Variants in SORBS2 observed in about 807,000 individuals in gnomAD.
The protein encoded by SORBS2 is sorbin and SH3 domain containing 2.
A neutral mutation model predicts 97.7 loss-of-function variants in SORBS2; 46 were observed. That is an observed-to-expected ratio of 0.47 (90% CI 0.37 to 0.60). SORBS2 has a LOEUF of 0.60. Among genes scored for constraint, SORBS2 ranks in the 20% least tolerant of loss-of-function variants. The pLI, the probability that SORBS2 is intolerant of heterozygous loss-of-function variation, is 0.00. For missense variants in SORBS2, 1,316 were observed against 1,282.3 expected, an observed-to-expected ratio of 1.03 and a Z score of -0.40; for synonymous variants, 476 against 473.4, an observed-to-expected ratio of 1.01 and a Z score of -0.07.
intron 1 of SORBS2, among the ~76,000 whole-genome samples, chr4:185,929,865 C>T (rs977461903): frequency 6.6e-6 from 1 of 152,018 alleles, no homozygotes; most frequent in Non-Finnish European, 1.5e-5. Context: ...TGATTTTGGG[C>T]GTGTGTGACA....
intron 1 of SORBS2, among the ~76,000 whole-genome samples, chr4:185,902,960 C>T (rs1391917307): frequency 6.6e-6 from 1 of 152,112 alleles, no homozygotes; most frequent in Non-Finnish European, 1.5e-5. Context: ...GGCATGCCTT[C>T]ACAGAAGTCA....
At chr4:185,622,143 G>A (rs980386030) in intron 7 of SORBS2, among the ~76,000 whole-genome samples, 27 of 152,206 alleles carry the variant, frequency 1.8e-4, no homozygotes, top group South Asian at 2.1e-4. Flanking sequence ...CCTTTCAATT[G>A]CTATTTATTC....
chr4:185,787,883 G>A (rs80345329), intron 1 of SORBS2, among the ~76,000 whole-genome samples: 161 of 152,290 alleles, frequency 1.1e-3, no homozygotes, highest in African/African-American at 3.6e-3. Flanking sequence ...AGCACATTAC[G>A]AAACCTAGGT....
intron 1 of SORBS2, among the ~76,000 whole-genome samples, chr4:185,862,116 TA>T (rs1431258427): frequency 6.6e-6 from 1 of 151,960 alleles, no homozygotes; most frequent in Non-Finnish European, 1.5e-5. Context: ...ACAAATTGAA[TA>T]AAAAACAGTG....
chr4:185,812,828 TA>T (rs1267236999), intron 1 of SORBS2: 4 of 152,244 alleles, frequency 2.6e-5, no homozygotes, highest in Non-Finnish European at 4.4e-5. Context: ...ATAGAATTTT[TA>T]AAAAATCCTA....
intron 4 of SORBS2, among the ~76,000 whole-genome samples, chr4:185,665,218 A>T (rs1434836639): frequency 6.6e-6 from 1 of 152,200 alleles, no homozygotes; most frequent in African/African-American, 2.4e-5. Flanking sequence ...ACTCCTGGAC[A>T]ATAGATGAGT....
In SORBS2 at chr4:185,607,516, T is replaced by G. The variant is rs2096453573; in HGVS notation, c.2796+4264A>C. Among the ~76,000 whole-genome samples the G allele has an allele frequency of 6.6e-6, 1 of 152,196 alleles. No individual in the cohort carries two copies. Among genetic ancestry groups the G allele is most frequent in the African/African-American group, 2.4e-5 (1 of 41,446 alleles). Reference sequence around the variant, plus strand: ...AAGACATTTAGAAGATATCTAGATTTGAAGGTATTTTGCTGAAATTTAAAT... The same window carrying G: ...AAGACATTTAGAAGATATCTAGATTGGAAGGTATTTTGCTGAAATTTAAAT... On this transcript the variant is annotated intron_variant, in intron 12 of 14. Transcript: ENST00000418609. This position sits in a 1 kb window ranked among gnomAD's most constrained non-coding sequence, Gnocchi z 5.2.
intron 1 of SORBS2, among the ~76,000 whole-genome samples, chr4:185,955,164 A>T (rs2099278999): frequency 1.3e-5 from 2 of 152,204 alleles, no homozygotes; most frequent in African/African-American, 2.4e-5. Flanking sequence ...CTTAGAGATC[A>T]CTAGGAAATG....
At chr4:185,753,062 C>G (rs115787864) in intron 2 of SORBS2, among the ~76,000 whole-genome samples, 2 of 152,232 alleles carry the variant, frequency 1.3e-5, no homozygotes, top group Non-Finnish European at 2.9e-5. Flanking sequence ...CCAGTGACCA[C>G]GGCCATGAGG....
At chr4:185,929,475 G>A (rs2099265361) in intron 1 of SORBS2, among the ~76,000 whole-genome samples, 1 of 151,618 alleles carries the variant, frequency 6.6e-6, no homozygotes, top group Non-Finnish European at 1.5e-5. Context: ...ATCCATCAAA[G>A]GTCAATTGTT....
chr4:185,815,529 A>G lies in SORBS2; in HGVS notation c.-337-40163T>C, dbSNP rs565720231. Among the ~76,000 whole-genome samples the G allele has an allele frequency of 9.2e-5, 14 of 152,344 alleles. No homozygotes were observed. In the South Asian group the frequency reaches 2.9e-3, roughly 32 times the overall value. ...AATTATGTTCAGTATGAAAGCGTAG[A>G]ATACCACACCATAATATGATTTTCT... is the stretch of plus-strand genomic sequence containing the variant. On this transcript the variant is annotated intron_variant, in intron 1 of 20. Transcript: ENST00000284776.
chr4:185,871,793 T>C (rs1225597300), intron 1 of SORBS2, among the ~76,000 whole-genome samples: 1 of 152,190 alleles, frequency 6.6e-6, no homozygotes, highest in Non-Finnish European at 1.5e-5. Flanking sequence ...CCCCTCGGTA[T>C]TGTGCTGGCT....
At chr4:185,810,685 A>C (rs2099176490) in intron 1 of SORBS2, 1 of 152,220 alleles carries the variant, frequency 6.6e-6, no homozygotes, top group Non-Finnish European at 1.5e-5. Flanking sequence ...GATTTGACTG[A>C]CCAGTTTCAA....
At chr4:185,730,438 T>C (rs1035407693) in intron 2 of SORBS2, among the ~76,000 whole-genome samples, 1 of 152,158 alleles carries the variant, frequency 6.6e-6, no homozygotes, top group African/African-American at 2.4e-5. Context: ...AAAGCTTTTC[T>C]TTGGTGTCAC....
At position 185,677,197 on chromosome 4, in the gene SORBS2, G is replaced by C. The variant is rs376759549; in HGVS notation, c.-46+1226C>G. 8 of 1,551,660 alleles carry C rather than the reference G, an allele frequency of 5.2e-6. No homozygotes were observed. In the East Asian group the frequency reaches 2.0e-4, roughly 38 times the overall value. ...ACTGGATTAGGGGTCAGTGAGCGGG[G>C]CCTTTTGAGAAATGACGGTACTTCG... is the stretch of plus-strand genomic sequence containing the variant. On this transcript the variant is annotated intron_variant, in intron 4 of 20. Coordinates refer to the SORBS2 transcript ENST00000284776.
rs1444433836 is a variant in SORBS2, at chr4:185,623,945, C to T, written c.1184G>A (p.Arg395His). ...CTCCGTGGAGCACTGGCTCCAGGCGCGCAGCAGGTCCTTGTGCTGCTGCTC... is the reference window on the plus strand; with the variant it reads ...CTCCGTGGAGCACTGGCTCCAGGCGTGCAGCAGGTCCTTGTGCTGCTGCTC... The change falls in exon 7 of 15, where the codon CGC becomes CAC. Residue 395 changes from arginine to histidine, a missense_variant. Coordinates refer to ENST00000418609, the Ensembl canonical transcript of SORBS2. This position sits in a 1 kb window ranked among gnomAD's most constrained non-coding sequence, Gnocchi z 6.4. 1.9e-6 allele frequency: 3 copies of T among 1,614,206 alleles called. No homozygotes were observed. Among genetic ancestry groups the T allele is most frequent in the South Asian group, 1.1e-5 (1 of 91,082 alleles).
intron 2 of SORBS2, among the ~76,000 whole-genome samples, chr4:185,712,526 G>A (rs2098430747): frequency 6.6e-6 from 1 of 152,234 alleles, no homozygotes; most frequent in South Asian, 2.1e-4. Context: ...CTTTGCCCTC[G>A]CTGGCGGGGG....
At chr4:185,919,820 T>C (rs963433202) in intron 1 of SORBS2, among the ~76,000 whole-genome samples, 4 of 152,260 alleles carry the variant, frequency 2.6e-5, no homozygotes, top group Non-Finnish European at 4.4e-5. Context: ...CCTGCTGTCA[T>C]CTTTTCATGC....
chr4:185,907,993 T>C (rs1286204195), intron 1 of SORBS2, among the ~76,000 whole-genome samples: 2 of 152,018 alleles, frequency 1.3e-5, no homozygotes, highest in African/African-American at 4.8e-5. Context: ...TTTAAGGACA[T>C]TTGAGAGGCA....
Sources: gnomAD v4.1 joint callset for allele counts (sites outside exome capture counted in the v4.1 genomes callset) on GRCh38, gnomAD v4.1.1 for gene constraint, Gnocchi (gnomAD v3.1) non-coding constraint, MANE v1.5 for transcripts, NCBI Gene and HGNC (gene_info 2026-07-23, HGNC 2026-07-21) for gene names.